The following PXDN variants were observed in gnomAD, a reference collection of about 807,000 sequenced individuals.
PXDN encodes peroxidasin homolog.
In PXDN, 77 loss-of-function variants were observed where a neutral mutation model predicts 140.3. The observed-to-expected ratio is 0.55, with a 90% CI of 0.46 to 0.66. PXDN has a LOEUF of 0.66. PXDN is among the 30% of genes least tolerant of loss of function. The pLI is 0.00. For synonymous variants in PXDN, 911 were observed against 857.4 expected (o/e 1.06, Z -1.09); for missense variants, 1,838 against 2,039.5 (o/e 0.90, Z 1.90).
chr2:1,711,628 A>AT (rs1352060264), intron 1 of PXDN, among the ~76,000 whole-genome samples: 1 of 78,788 alleles, frequency 1.3e-5, no homozygotes, highest in African/African-American at 6.2e-5. Flanking sequence ...CTCCACCAGC[A>AT]CCCGCTCCAC....
At chr2:1,695,899 T>G in intron 1 of PXDN, among the ~76,000 whole-genome samples, 1 of 89,436 alleles carries the variant, frequency 1.1e-5, no homozygotes, top group East Asian at 3.6e-4. Flanking sequence ...CAGGCCCCTG[T>G]GCCCTGCTGG....
intron 1 of PXDN, among the ~76,000 whole-genome samples, chr2:1,700,442 G>A (rs1195030134): frequency 1.3e-5 from 2 of 152,068 alleles, no homozygotes; most frequent in South Asian, 2.1e-4. Flanking sequence ...TTTGGGTCAC[G>A]ATGTTAAAAA....
In PXDN at chr2:1,714,996, C is replaced by T. The variant is rs1684862825; in HGVS notation, c.201-21862G>A. Reference sequence around the variant, plus strand: ...CACGCCACCCATTAATACAAAGCCCCCTCCCCCCATCCCCGGCTTACAAAT... The same window carrying T: ...CACGCCACCCATTAATACAAAGCCCTCTCCCCCCATCCCCGGCTTACAAAT... On this transcript the variant is annotated intron_variant, in intron 1 of 22. Transcript: ENST00000252804. The surrounding 1 kb of genome is among the most constrained non-coding windows in gnomAD (Gnocchi z 4.3). Among the ~76,000 whole-genome samples the T allele has an allele frequency of 6.6e-6, 1 of 152,058 alleles. No homozygotes were observed. Among genetic ancestry groups the T allele is most frequent in the East Asian group, 1.9e-4 (1 of 5,170 alleles).
At position 1,643,482 on chromosome 2, in the gene PXDN, T is replaced by C. The variant is rs774542319; in HGVS notation, c.3838A>G (p.Asn1280Asp). The C allele has an allele frequency of 6.2e-7, 1 of 1,613,944 alleles. No individual in the cohort carries two copies. Among genetic ancestry groups the C allele is most frequent in the Non-Finnish European group, 8.5e-7 (1 of 1,179,898 alleles). The change falls in exon 19 of 23, where the codon AAC becomes GAC. Residue 1280 changes from asparagine to aspartate, a missense_variant. Transcript: ENST00000252804. ...ACGTCGCTCTGCACCCGGGTGATGT[T>C]GTCCGCGTTGTCGCATAGGATCCTG... ...LARILCDNAD[N>D]ITRVQSDVFR... is the part of the protein sequence containing the mutation.
chr2:1,659,904 C>G (rs557907536), intron 14 of PXDN, among the ~76,000 whole-genome samples: 1 of 152,118 alleles, frequency 6.6e-6, no homozygotes, highest in Non-Finnish European at 1.5e-5. Flanking sequence ...GTTAACAAGT[C>G]CCATGGAGAA....
chr2:1,660,865 G>A lies in PXDN; in HGVS notation c.1837+16C>T, dbSNP rs1181496305. On this transcript the variant is annotated intron_variant, in intron 14 of 22. Transcript: ENST00000252804. The surrounding 1 kb of genome is among the most constrained non-coding windows in gnomAD (Gnocchi z 4.6). ...GTGGATACCATGTGGGTAGATGTGG[G>A]CATGTGGCATCTTACCATTCACACT... is the stretch of plus-strand genomic sequence containing the variant. The A allele has an allele frequency of 6.2e-7, 1 of 1,602,872 alleles. No individual in the cohort carries two copies. The highest frequency in any genetic ancestry group is 8.5e-7 in the Non-Finnish European group (1 of 1,172,610).
At chr2:1,720,588 G>A (rs1276516762) in intron 1 of PXDN, among the ~76,000 whole-genome samples, 4 of 117,346 alleles carry the variant, frequency 3.4e-5, no homozygotes, top group Non-Finnish European at 7.2e-5. Flanking sequence ...GGAGGCAGCC[G>A]ACCACCTTTG....
chr2:1,726,122 T>C (rs1429432567), intron 1 of PXDN, among the ~76,000 whole-genome samples: 2 of 152,030 alleles, frequency 1.3e-5, no homozygotes, highest in African/African-American at 4.8e-5. Context: ...TAAAGACACA[T>C]ACACACGTAT....
chr2:1,694,627 C>A (rs958963834), intron 1 of PXDN, among the ~76,000 whole-genome samples: 3 of 152,236 alleles, frequency 2.0e-5, no homozygotes, highest in Admixed American at 2.0e-4. Context: ...CACCCTCCCC[C>A]TGCACCGCCA....
At chr2:1,717,164 G>C (rs1280137220) in intron 1 of PXDN, among the ~76,000 whole-genome samples, 1 of 152,238 alleles carries the variant, frequency 6.6e-6, no homozygotes, top group Non-Finnish European at 1.5e-5. Context: ...CGCTGGCCAT[G>C]AGAAAGCTCC....
chr2:1,679,331 G>GT (rs1435816247), intron 7 of PXDN, among the ~76,000 whole-genome samples: 1 of 150,120 alleles, frequency 6.7e-6, no homozygotes, highest in Non-Finnish European at 1.5e-5. Context: ...TGGTTTGTGT[G>GT]TAAATGGTGT....
At chr2:1,725,352 G>A (rs1029711042) in intron 1 of PXDN, among the ~76,000 whole-genome samples, 5 of 152,126 alleles carry the variant, frequency 3.3e-5, no homozygotes, top group Non-Finnish European at 7.4e-5. Flanking sequence ...AATAAATGGT[G>A]CTGGGAAAAC....
chr2:1,710,586 C>CCA (rs752200113), intron 1 of PXDN, among the ~76,000 whole-genome samples: 2 of 99,770 alleles, frequency 2.0e-5, no homozygotes, highest in African/African-American at 4.0e-5. Flanking sequence ...CCACTAGCAC[C>CCA]CTCTCCACCA....
At chr2:1,742,761 C>T (rs1342395237) in intron 1 of PXDN, among the ~76,000 whole-genome samples, 2 of 152,178 alleles carry the variant, frequency 1.3e-5, no homozygotes, top group African/African-American at 4.8e-5. Context: ...TGACCATTCA[C>T]GGGCTCTGGA....
chr2:1,649,263 T>G lies in PXDN; in HGVS notation c.2517A>C (p.Ala839=), dbSNP rs766951813. ...TGCAGTGCTGTCCGTCGGAGAAGCG[T>G]GCCTGGCTCAGGGCCACCACCGTGG... is the stretch of plus-strand genomic sequence containing the variant. ...LDSTVVALSQ[A]RFSDGQHCSN... is the part of the protein sequence containing the mutation. The change falls in exon 17 of 23, where the codon GCA becomes GCC. Residue 839 remains alanine, a synonymous_variant. Transcript: ENST00000252804. The surrounding 1 kb of genome is among the most constrained non-coding windows in gnomAD (Gnocchi z 7.1). The G allele has an allele frequency of 7.0e-5, 113 of 1,613,122 alleles. No individual in the cohort carries two copies.
At chr2:1,658,048 CT>C (rs1395447842) in intron 14 of PXDN, among the ~76,000 whole-genome samples, 4 of 118,884 alleles carry the variant, frequency 3.4e-5, no homozygotes, top group African/African-American at 7.9e-5. Flanking sequence ...CTCTCTCTCT[CT>C]CTCTCTCTCT....
chr2:1,636,321 T>C (rs983282480), intron 21 of PXDN: 2 of 152,528 alleles, frequency 1.3e-5, no homozygotes, highest in Non-Finnish European at 2.9e-5. Context: ...TCATAAAGCA[T>C]GCTCAGCCAC....
chr2:1,697,922 T>C (rs1459197973), intron 1 of PXDN, among the ~76,000 whole-genome samples: 1 of 152,202 alleles, frequency 6.6e-6, no homozygotes, highest in African/African-American at 2.4e-5. Flanking sequence ...AGACAGATTG[T>C]AGAAAGTTCT....
chr2:1,635,751 C>T (rs1343442496), intron 21 of PXDN: 5 of 525,474 alleles, frequency 9.5e-6, no homozygotes, highest in Middle Eastern at 5.4e-4. Context: ...AAATAAAAAC[C>T]GTAGTCACAA....
Sources: gnomAD v4.1 joint callset for allele counts (sites outside exome capture counted in the v4.1 genomes callset) on GRCh38, gnomAD v4.1.1 for gene constraint, Gnocchi (gnomAD v3.1) non-coding constraint, MANE v1.5 for transcripts, NCBI Gene and HGNC (gene_info 2026-07-23, HGNC 2026-07-21) for gene names.